The following SLC6A18 variants were observed in gnomAD, a reference collection of about 807,000 sequenced individuals.
The protein encoded by SLC6A18 is inactive sodium-dependent neutral amino acid transporter B(0)AT3.
A neutral mutation model predicts 62.9 loss-of-function variants in SLC6A18; 58 were observed. That is an observed-to-expected ratio of 0.92 (90% CI 0.75 to 1.15). The LOEUF (loss-of-function observed/expected upper bound fraction) is 1.15. Among genes scored for constraint, SLC6A18 ranks in the 50% most tolerant of loss-of-function variants. SLC6A18 has a pLI of 0.00. For missense variants in SLC6A18, 793 were observed against 836.6 expected (o/e 0.95, Z 0.64); for synonymous variants, 382 against 365.8 (o/e 1.04, Z -0.51).
rs201595097 is a variant in SLC6A18, at chr5:1,239,563, G to A, written c.845+1G>A. ...CTTTTGCAAGTTACAACTCGCCCAG[G>A]TAGGCAGTCGGGCTCAGCTGTCCAG... On this transcript the variant is annotated splice_donor_variant, in intron 6 of 11. Transcript: ENST00000324642. LOFTEE classifies it high-confidence loss of function. 66 of 1,612,078 alleles carry A rather than the reference G, an allele frequency of 4.1e-5. 1 individual carries two copies. The African/African-American group carries it at 6.5e-4, about 16-fold the overall frequency.
At chr5:1,242,650 C>A in intron 7 of SLC6A18, 57 bp from the exon 8 acceptor site, 9 of 1,551,268 alleles carry the variant, frequency 5.8e-6, no homozygotes, top group Non-Finnish European at 7.9e-6. Context: ...CCAAGGGTTT[C>A]TCTGGATGTG....
chr5:1,238,749 CA>C (rs1293879446), intron 5 of SLC6A18, among the ~76,000 whole-genome samples: 2 of 152,164 alleles, frequency 1.3e-5, no homozygotes, highest in Non-Finnish European at 2.9e-5. Flanking sequence ...TGTGAGGGGT[CA>C]GGGGAGGAGG....
Position 1,233,801 on chromosome 5 carries a change from G to GCA in SLC6A18, c.439+913_439+914insCA, listed in dbSNP as rs1299680101. The stretch of plus-strand genomic sequence containing the variant: ...CTGTCGCCCAGGCTGGAGTGCAGTG[G>GCA]TGCTATCTTGGCTCACTGCAAGCTC... On this transcript the variant is annotated intron_variant, in intron 3 of 11. Coordinates refer to ENST00000324642, the MANE Select transcript of SLC6A18 (RefSeq NM_182632.3). Among the ~76,000 whole-genome samples, 9 of 150,910 alleles carry GCA rather than the reference G, an allele frequency of 6.0e-5. No individual in the cohort carries two copies. The East Asian group carries it at 1.7e-3, about 29-fold the overall frequency.
At chr5:1,239,376 G>T in intron 5 of SLC6A18, 74 bp from the exon 6 acceptor site, 1 of 1,162,400 alleles carries the variant, frequency 8.6e-7, no homozygotes. Flanking sequence ...CCTTGGGAAC[G>T]TTCTGGAACA....
chr5:1,246,143 G>GGGGCCCCGC lies in SLC6A18; in HGVS notation c.*65_*66insGGGCCCCGC, dbSNP rs1747219383. On this transcript the variant is annotated 3_prime_UTR_variant, in exon 12 of 12. Coordinates refer to ENST00000324642, the MANE Select transcript of SLC6A18 (RefSeq NM_182632.3). ...GGGGCTTGGCCTGATGGTGGGCGGG[G>GGGGCCCCGC]CCCCGCCCACAGGGCCGACCCCAAT... is the stretch of plus-strand genomic sequence containing the variant. 1.4e-6 allele frequency: 2 copies of GGGGCCCCGC among 1,438,400 alleles called. No individual in the cohort carries two copies. 89.1% of individuals were successfully genotyped at this position (1,438,400 alleles called of 1,614,324 possible).
intron 1 of SLC6A18, among the ~76,000 whole-genome samples, chr5:1,229,694 G>T (rs551858667): frequency 6.6e-6 from 1 of 152,368 alleles, no homozygotes; most frequent in African/African-American, 2.4e-5. Flanking sequence ...CACTACTGCG[G>T]GATGGGTGGC....
chr5:1,241,036 G>A lies in SLC6A18; in HGVS notation c.974+377G>A, dbSNP rs1033935906. 3.9e-5 allele frequency among the ~76,000 whole-genome samples: 6 copies of A among 152,302 alleles called. No individual in the cohort carries two copies. Among genetic ancestry groups the A allele is most frequent in the African/African-American group, 1.2e-4 (5 of 41,568 alleles). ...TGAAGGTGCAGAAGCTGGAAGAGGC[G>A]GGAGGAGTCTCCCGTGCAGGCTCAG... On this transcript the variant is annotated intron_variant, in intron 7 of 11. Coordinates refer to ENST00000324642, the MANE Select transcript of SLC6A18 (RefSeq NM_182632.3). This position sits in a 1 kb window ranked among gnomAD's most constrained non-coding sequence, Gnocchi z 7.8.
chr5:1,238,126 C>T, intron 5 of SLC6A18, 66 bp downstream of exon 5: 9 of 1,270,394 alleles, frequency 7.1e-6, no homozygotes, highest in Non-Finnish European at 1.0e-5. Context: ...TGGCCAGCAG[C>T]TCCCTCCCTC....
At chr5:1,225,770 T>C (rs956261009) in intron 1 of SLC6A18, 133 bp downstream of exon 1, 2 of 1,110,538 alleles carry the variant, frequency 1.8e-6, no homozygotes, top group African/African-American at 3.3e-5. Flanking sequence ...GGGTGCACCA[T>C]TGCCCACGGC....
chr5:1,227,521 G>A (rs951426693), intron 1 of SLC6A18, among the ~76,000 whole-genome samples: 2 of 152,248 alleles, frequency 1.3e-5, no homozygotes, highest in Non-Finnish European at 2.9e-5. Context: ...GTCTCGCTGT[G>A]AGGATCACTC....
At chr5:1,237,824 T>G (rs939392153) in intron 4 of SLC6A18, 126 bp from the exon 5 acceptor site, 3 of 719,608 alleles carry the variant, frequency 4.2e-6, no homozygotes, top group African/African-American at 1.8e-5. Context: ...TCCGTCCTGG[T>G]CAATCCCATA....
At chr5:1,233,647 A>C (rs1017934357) in intron 3 of SLC6A18, among the ~76,000 whole-genome samples, 2 of 146,208 alleles carry the variant, frequency 1.4e-5, no homozygotes, top group African/African-American at 5.1e-5. Flanking sequence ...GCAGTGGTGC[A>C]AGCATGGCTC....
rs373597282 is a variant in SLC6A18, at chr5:1,244,673, G to T, written c.1562G>T (p.Arg521Met). ...AGCCCCTACTGGCGGCTGACCTGGA[G>T]GGTGGTCAGTCCCCTGCTGCTGACC... is the stretch of plus-strand genomic sequence containing the variant. Reference protein sequence around the residue: ...RPSPYWRLTWRVVSPLLLTIF... With the variant: ...RPSPYWRLTWMVVSPLLLTIF... Residue 521 changes from arginine (R) to methionine (M), a missense_variant, in exon 11 of 12, where the codon AGG becomes ATG. Physicochemically the swap from Arg to Met is moderately conservative, Grantham distance 91 (BLOSUM62 -1). Transcript: ENST00000324642. 4 of 1,612,636 alleles carry T rather than the reference G, an allele frequency of 2.5e-6. No homozygotes were observed. The South Asian group carries it at 4.4e-5, about 18-fold the overall frequency.
intron 3 of SLC6A18, among the ~76,000 whole-genome samples, chr5:1,233,654 G>A (rs1291289245): frequency 1.3e-5 from 2 of 150,916 alleles, no homozygotes; most frequent in Non-Finnish European, 2.9e-5. Context: ...TGCAAGCATG[G>A]CTCACTGCAA....
At chr5:1,232,930 G>A (rs755110533) in intron 3 of SLC6A18, 42 bp downstream of exon 3, 48 of 1,575,066 alleles carry the variant, frequency 3.0e-5, no homozygotes, top group East Asian at 4.5e-5. Context: ...GTGCACGGCC[G>A]AGAGAGGCAT....
In SLC6A18 at chr5:1,245,987, G is replaced by A; in HGVS notation, c.1796G>A (p.Arg599Lys). The change falls in exon 12 of 12, where the codon AGG becomes AAG. Residue 599 changes from arginine (R) to lysine (K), a missense_variant. Transcript: ENST00000324642. Reference protein sequence around the residue: ...QLLTRRRRTWRDRDARPDTDM... With the variant: ...QLLTRRRRTWKDRDARPDTDM... Reference sequence around the variant, plus strand: ...CTCACCCGGCGGAGGCGGACGTGGAGGGACAGGGACGCGCGCCCAGACACG... The same window carrying A: ...CTCACCCGGCGGAGGCGGACGTGGAAGGACAGGGACGCGCGCCCAGACACG... The A allele has an allele frequency of 6.3e-7, 1 of 1,598,876 alleles. No individual in the cohort carries two copies. The highest frequency in any genetic ancestry group is 8.5e-7 in the Non-Finnish European group (1 of 1,178,108).
intron 1 of SLC6A18, among the ~76,000 whole-genome samples, chr5:1,227,055 G>A (rs1249415459): frequency 3.0e-5 from 4 of 134,938 alleles, no homozygotes; most frequent in African/African-American, 6.8e-5. Flanking sequence ...CTTGCCCGCC[G>A]ACACCTTGCC....
At chr5:1,238,281 G>C (rs6876514) in intron 5 of SLC6A18, among the ~76,000 whole-genome samples, 18,821 of 52,892 alleles carry the variant, frequency 0.36, 2,495 homozygotes, top group African/African-American at 0.47. Flanking sequence ...TCAGGAAAGA[G>C]GTCAGGTTTG....
chr5:1,226,647 C>T (rs896130952), intron 1 of SLC6A18, among the ~76,000 whole-genome samples: 7 of 152,314 alleles, frequency 4.6e-5, no homozygotes, highest in East Asian at 3.9e-4. Context: ...CTGCCACCCT[C>T]GGGGCACTGG....
Sources: gnomAD v4.1 joint callset for allele counts (sites outside exome capture counted in the v4.1 genomes callset) on GRCh38, gnomAD v4.1.1 for gene constraint, Gnocchi (gnomAD v3.1) non-coding constraint, MANE v1.5 for transcripts, NCBI Gene and HGNC (gene_info 2026-07-23, HGNC 2026-07-21) for gene names.